Variants in DGKI observed in about 807,000 individuals in gnomAD.
DGKI encodes DAG kinase iota.
In DGKI, 55 loss-of-function variants were observed where a neutral mutation model predicts 147.5. The observed-to-expected ratio is 0.37, with a 90% CI of 0.30 to 0.47. DGKI has a LOEUF of 0.47. Ranked by LOEUF, DGKI falls within the 20% of genes least tolerant of loss-of-function variation. The probability of loss-of-function intolerance (pLI) is 1.00; values close to 1 mark genes in which losing one functional copy is unlikely to be tolerated. For synonymous variants in DGKI, 469 were observed against 477.1 expected (o/e 0.98, Z 0.22); for missense variants, 1,007 against 1,323.8 (o/e 0.76, Z 3.71).
rs1811350093 is a variant in DGKI at position 137,391,212 on chromosome 7, T to C, written c.*8A>G. 1 of 1,609,392 alleles carries C rather than the reference T, an allele frequency of 6.2e-7. No homozygotes were observed. The highest frequency in any genetic ancestry group is 8.5e-7 in the Non-Finnish European group (1 of 1,175,844). On this transcript the variant is annotated 3_prime_UTR_variant, in exon 33 of 33. Transcript: ENST00000614521. Reference sequence around the variant, plus strand: ...CTTGCTCATGTCCTCTTTGCCCGAATACCAGGGTCAAACAGCAGTTTCCAG... The same window carrying C: ...CTTGCTCATGTCCTCTTTGCCCGAACACCAGGGTCAAACAGCAGTTTCCAG...
chr7:137,490,124 G>A (rs1815710302), intron 21 of DGKI, among the ~76,000 whole-genome samples: 1 of 152,134 alleles, frequency 6.6e-6, no homozygotes, highest in African/African-American at 2.4e-5. Context: ...AGAAAAAAGG[G>A]CATTCTCTAC....
chr7:137,502,803 A>G (rs938299332), intron 21 of DGKI, among the ~76,000 whole-genome samples: 8 of 152,100 alleles, frequency 5.3e-5, no homozygotes, highest in Non-Finnish European at 7.4e-5. Context: ...AACTATTCCT[A>G]CTTTCCATTG....
intron 17 of DGKI, among the ~76,000 whole-genome samples, chr7:137,575,626 G>A (rs941695394): frequency 2.0e-5 from 3 of 152,208 alleles, no homozygotes; most frequent in African/African-American, 7.2e-5. Flanking sequence ...GAAGTTTAAT[G>A]TAAGGTTGCT....
At chr7:137,525,707 C>G (rs1817120637) in intron 20 of DGKI, among the ~76,000 whole-genome samples, 1 of 152,170 alleles carries the variant, frequency 6.6e-6, no homozygotes. Context: ...ATGCCTGGCA[C>G]ATTGTCAGTG....
chr7:137,636,172 T>C (rs767815616), intron 6 of DGKI, among the ~76,000 whole-genome samples: 3 of 152,084 alleles, frequency 2.0e-5, no homozygotes, highest in Non-Finnish European at 4.4e-5. Flanking sequence ...TAATAATAAA[T>C]AGACAACTGC....
chr7:137,558,007 G>C (rs1029891922), intron 19 of DGKI, among the ~76,000 whole-genome samples: 1 of 152,148 alleles, frequency 6.6e-6, no homozygotes, highest in Admixed American at 6.5e-5. Context: ...CCTCTTTTCA[G>C]TTCTTCTAGC....
At position 137,521,807 on chromosome 7, in the gene DGKI, G is replaced by A. The variant is rs1816969453; in HGVS notation, c.2248+59C>T. 4.8e-6 allele frequency: 6 copies of A among 1,253,800 alleles called. No homozygotes were observed. In the South Asian group the frequency reaches 7.4e-5, roughly 15 times the overall value. 77.7% of individuals were successfully genotyped at this position (1,253,800 alleles called of 1,614,324 possible). ...ATGAATCTACCCATCAAACCAAGGAGGATCAAGAAGCTGAAGATAGGCTGA... is the reference window on the plus strand; with the variant it reads ...ATGAATCTACCCATCAAACCAAGGAAGATCAAGAAGCTGAAGATAGGCTGA... On this transcript the variant is annotated intron_variant, in intron 21 of 32. Coordinates refer to ENST00000614521, the MANE Select transcript of DGKI (RefSeq NM_001321708.2).
At chr7:137,664,936 A>G (rs1822581014) in intron 3 of DGKI, among the ~76,000 whole-genome samples, 1 of 152,210 alleles carries the variant, frequency 6.6e-6, no homozygotes, top group Admixed American at 6.5e-5. Context: ...GGTTTCACTG[A>G]ATATTTTGAC....
chr7:137,723,360 G>T (rs530535092), intron 1 of DGKI, among the ~76,000 whole-genome samples: 1 of 152,194 alleles, frequency 6.6e-6, no homozygotes, highest in Admixed American at 6.5e-5. Context: ...CTAGACACTT[G>T]TGAGAACTGG....
At chr7:137,653,343 T>A (rs1236577777) in intron 5 of DGKI, among the ~76,000 whole-genome samples, 2 of 152,234 alleles carry the variant, frequency 1.3e-5, no homozygotes, top group African/African-American at 2.4e-5. Flanking sequence ...TGCCTCCAAC[T>A]CTTGAACTGC....
intron 20 of DGKI, among the ~76,000 whole-genome samples, chr7:137,530,605 G>A (rs924854158): frequency 6.6e-6 from 1 of 152,092 alleles, no homozygotes; most frequent in Non-Finnish European, 1.5e-5. Flanking sequence ...TTTAATATGA[G>A]GTTTTCAATA....
chr7:137,744,812 T>C (rs1009555025), intron 1 of DGKI, among the ~76,000 whole-genome samples: 1 of 152,180 alleles, frequency 6.6e-6, no homozygotes, highest in African/African-American at 2.4e-5. Flanking sequence ...TCTCAGTAGA[T>C]GCAGAAAAAG....
chr7:137,718,364 G>A (rs1794445818), intron 1 of DGKI, among the ~76,000 whole-genome samples: 1 of 152,180 alleles, frequency 6.6e-6, no homozygotes, highest in South Asian at 2.1e-4. Context: ...ACCCAAAGGT[G>A]GCCCCTTAGA....
intron 10 of DGKI, 127 bp downstream of exon 10, chr7:137,608,839 T>C (rs1337998966): frequency 4.2e-6 from 3 of 720,498 alleles, no homozygotes; most frequent in Non-Finnish European, 7.1e-6. Flanking sequence ...ACAATAACCT[T>C]GTTCCTGAGA....
chr7:137,758,169 C>G (rs185063792), intron 1 of DGKI, among the ~76,000 whole-genome samples: 4 of 152,292 alleles, frequency 2.6e-5, no homozygotes, highest in Non-Finnish European at 5.9e-5. Flanking sequence ...TCAATCAAAA[C>G]GGAGAAGTCT....
At chr7:137,721,171 C>T (rs959931838) in intron 1 of DGKI, among the ~76,000 whole-genome samples, 10 of 152,180 alleles carry the variant, frequency 6.6e-5, no homozygotes, top group African/African-American at 2.4e-4. Flanking sequence ...GAGGCCTCCA[C>T]ATTGTATTCT....
chr7:137,460,748 A>C (rs1814406802), intron 27 of DGKI, among the ~76,000 whole-genome samples: 1 of 152,218 alleles, frequency 6.6e-6, no homozygotes, highest in Non-Finnish European at 1.5e-5. Flanking sequence ...TCCAACTTGT[A>C]CAATACAAAA....
At position 137,487,641 on chromosome 7, in the gene DGKI, G is replaced by A; in HGVS notation, c.2297C>T (p.Thr766Ile). Residue 766 changes from threonine (T) to isoleucine (I), a missense_variant, in exon 22 of 33, where the codon ACT (threonine) becomes ATT (isoleucine). Physicochemically the swap from Thr to Ile is moderately conservative, Grantham distance 89 (BLOSUM62 -1). Transcript: ENST00000614521. ...TAGGCGGTCTATGTACATACGGCAAGTCTCCAAATCACAGTCTCCACGCAC... is the reference window on the plus strand; with the variant it reads ...TAGGCGGTCTATGTACATACGGCAAATCTCCAAATCACAGTCTCCACGCAC... ...LVVRGDCDLETCRMYIDRLQE... is the reference protein window; with the variant it reads ...LVVRGDCDLEICRMYIDRLQE... 6.2e-7 allele frequency: 1 copy of A among 1,613,786 alleles called. No individual in the cohort carries two copies. The highest frequency in any genetic ancestry group is 8.5e-7 in the Non-Finnish European group (1 of 1,179,754).
intron 3 of DGKI, among the ~76,000 whole-genome samples, chr7:137,659,792 G>A (rs765206793): frequency 2.0e-5 from 3 of 152,150 alleles, no homozygotes; most frequent in Non-Finnish European, 4.4e-5. Flanking sequence ...AATTAGCCAG[G>A]CATGGTGGTG....
Sources: allele counts gnomAD v4.1 joint callset (sites outside exome capture counted in the v4.1 genomes callset), GRCh38; gene constraint gnomAD v4.1.1; transcripts MANE v1.5; gene names NCBI Gene and HGNC (gene_info 2026-07-23, HGNC 2026-07-21).